The following CACNB4 variants were observed in gnomAD, a reference collection of about 807,000 sequenced individuals.
CACNB4 encodes calcium voltage-gated channel auxiliary subunit beta 4.
A neutral mutation model predicts 71.2 loss-of-function variants in CACNB4; 32 were observed. The observed-to-expected ratio is 0.45, with a 90% CI of 0.34 to 0.60. The LOEUF (loss-of-function observed/expected upper bound fraction) is 0.60, where lower values mean the gene tolerates loss of function less well. Ranked by LOEUF, CACNB4 falls within the 20% of genes least tolerant of loss-of-function variation. The pLI is 0.01. For missense variants in CACNB4, 464 were observed against 647.9 expected (o/e 0.72, Z 3.08); for synonymous variants, 231 against 236.9 (o/e 0.97, Z 0.23).
rs781255950 is a variant in CACNB4, at chr2:151,834,974, A to G, written c.*4145T>C. The G allele has an allele frequency of 9.9e-5, 15 of 151,970 alleles. No homozygotes were observed. The highest frequency in any genetic ancestry group is 1.8e-4 in the Non-Finnish European group (12 of 67,824). The allele number at this position is 151,970 out of a possible 1,614,324, so 9.4% of individuals were successfully genotyped here. ...GTAAAAGGAATAAGGGGTACATAGC[A>G]TTTATTTGAAACATTGATATGAAGT... On this transcript the variant is annotated 3_prime_UTR_variant, in exon 14 of 14. Coordinates refer to ENST00000539935, the MANE Select transcript of CACNB4 (RefSeq NM_000726.5).
intron 2 of CACNB4, among the ~76,000 whole-genome samples, chr2:152,059,769 G>A (rs1685911935): frequency 6.6e-6 from 1 of 152,176 alleles, no homozygotes; most frequent in Admixed American, 6.5e-5. Context: ...TTTGGGAGAG[G>A]CCAGGGGCAG....
chr2:151,969,738 TATA>T (rs1410623188), intron 2 of CACNB4: 2 of 152,250 alleles, frequency 1.3e-5, no homozygotes, highest in Admixed American at 6.5e-5. Context: ...AAGCTATTCT[TATA>T]ATAATGTGTA....
intron 2 of CACNB4, among the ~76,000 whole-genome samples, chr2:152,062,344 G>T (rs945770592): frequency 6.6e-5 from 10 of 152,102 alleles, no homozygotes; most frequent in Admixed American, 6.6e-4. Flanking sequence ...CCACTGAGTT[G>T]ACACCGCCAT....
At chr2:151,991,845 C>T (rs141555914) in intron 2 of CACNB4, among the ~76,000 whole-genome samples, 80 of 152,286 alleles carry the variant, frequency 5.3e-4, no homozygotes, top group African/African-American at 1.9e-3. Context: ...TCCCTCAAAG[C>T]AGAACCTAAG....
At chr2:151,978,517 C>T (rs564643016) in intron 2 of CACNB4, among the ~76,000 whole-genome samples, 12 of 152,278 alleles carry the variant, frequency 7.9e-5, no homozygotes, top group African/African-American at 1.4e-4. Flanking sequence ...AGCAGGGTAA[C>T]GCTCAGTAAG....
At chr2:151,921,520 G>A (rs1198010876) in intron 2 of CACNB4, among the ~76,000 whole-genome samples, 3 of 152,100 alleles carry the variant, frequency 2.0e-5, no homozygotes, top group Non-Finnish European at 4.4e-5. Flanking sequence ...GTATCTCACT[G>A]GCCTAAAATC....
At chr2:151,871,494 T>G (rs1365545173) in intron 6 of CACNB4, 1 of 152,366 alleles carries the variant, frequency 6.6e-6, no homozygotes, top group African/African-American at 2.4e-5. Flanking sequence ...GTCCAACAAA[T>G]GGGAACGAAG....
At chr2:151,859,720 T>A (rs2151374092) in intron 10 of CACNB4, 1 of 152,192 alleles carries the variant, frequency 6.6e-6, no homozygotes, top group Non-Finnish European at 1.5e-5. Context: ...TGTTTAGTAA[T>A]CCTTCACAAA....
chr2:151,846,598 G>A (rs547847422), intron 12 of CACNB4, among the ~76,000 whole-genome samples: 30 of 152,186 alleles, frequency 2.0e-4, no homozygotes, highest in African/African-American at 6.5e-4. Context: ...CAACGCCCAG[G>A]CTGGAGTGCA....
intron 2 of CACNB4, among the ~76,000 whole-genome samples, chr2:152,048,124 T>C (rs1434037332): frequency 6.6e-6 from 1 of 152,092 alleles, no homozygotes; most frequent in African/African-American, 2.4e-5. Context: ...GATGACTCTT[T>C]GTTATGGTGG....
intron 2 of CACNB4, chr2:151,973,548 T>A: frequency 1.2e-6 from 1 of 849,744 alleles, no homozygotes; most frequent in African/African-American, 1.7e-5. Context: ...CCCAGAATGA[T>A]GTTAGCTTTC....
At chr2:152,064,921 C>A (rs1238535865) in intron 2 of CACNB4, among the ~76,000 whole-genome samples, 1 of 152,096 alleles carries the variant, frequency 6.6e-6, no homozygotes, top group Non-Finnish European at 1.5e-5. Flanking sequence ...AATATTAAAT[C>A]CAGAGAAGCT....
intron 2 of CACNB4, chr2:151,973,405 G>A (rs778821110): frequency 4.8e-4 from 227 of 474,874 alleles, no homozygotes; most frequent in East Asian, 9.4e-4. Flanking sequence ...ACGTGGACCC[G>A]GTAATGTATA....
chr2:151,905,294 CATATT>C (rs2099854502), intron 2 of CACNB4, among the ~76,000 whole-genome samples: 1 of 152,208 alleles, frequency 6.6e-6, no homozygotes, highest in Admixed American at 6.5e-5. Context: ...CATTTACTAA[CATATT>C]GTATTATCAA....
At chr2:152,020,943 C>T (rs895996700) in intron 2 of CACNB4, among the ~76,000 whole-genome samples, 1 of 152,168 alleles carries the variant, frequency 6.6e-6, no homozygotes, top group African/African-American at 2.4e-5. Flanking sequence ...AAACTACTAG[C>T]ACAGAGACTG....
chr2:151,924,522 C>G (rs2099859758), intron 2 of CACNB4, among the ~76,000 whole-genome samples: 1 of 151,106 alleles, frequency 6.6e-6, no homozygotes, highest in Non-Finnish European at 1.5e-5. Context: ...GCTGGGACTA[C>G]AGGTGTGTGC....
chr2:152,083,091 G>A (rs1687449769), intron 2 of CACNB4, among the ~76,000 whole-genome samples: 1 of 152,184 alleles, frequency 6.6e-6, no homozygotes, highest in Admixed American at 6.5e-5. Context: ...CTCAGCCACT[G>A]TGGGGCTGAC....
chr2:151,865,570 GAA>G (rs34361154), intron 9 of CACNB4, among the ~76,000 whole-genome samples: 21,325 of 152,140 alleles, frequency 0.14, 2,439 homozygotes, highest in East Asian at 0.48. Flanking sequence ...TTCAGCCTGT[GAA>G]TGGTAGATTC....
intron 2 of CACNB4, among the ~76,000 whole-genome samples, chr2:151,931,315 T>G (rs1031670743): frequency 6.6e-6 from 1 of 152,218 alleles, no homozygotes; most frequent in Admixed American, 6.5e-5. Flanking sequence ...GATATTTCTA[T>G]AGACAAACTA....
Sources: allele counts gnomAD v4.1 joint callset (sites outside exome capture counted in the v4.1 genomes callset), GRCh38; gene constraint gnomAD v4.1.1; transcripts MANE v1.5; gene names NCBI Gene and HGNC (gene_info 2026-07-23, HGNC 2026-07-21).